The following APP variants were observed in gnomAD, a reference collection of about 807,000 sequenced individuals.
APP encodes amyloid beta precursor protein, also known as amyloid-beta precursor protein.
In APP, 31 loss-of-function variants were observed where a neutral mutation model predicts 101.4. That is an observed-to-expected ratio of 0.31 (90% CI 0.23 to 0.41). APP has a LOEUF of 0.41. APP is among the 10% of genes least tolerant of loss of function. The pLI is 1.00. For synonymous variants in APP, 366 were observed against 364.4 expected (o/e 1.00, Z -0.05); for missense variants, 839 against 1,003.7 (o/e 0.84, Z 2.22).
chr21:26,097,214 T>C (rs1263633918), intron 2 of APP, among the ~76,000 whole-genome samples: 1 of 152,212 alleles, frequency 6.6e-6, no homozygotes, highest in Non-Finnish European at 1.5e-5. Context: ...TCCACTTGCC[T>C]TGATCACTTT....
At chr21:25,920,370 C>T (rs2039570361) in intron 13 of APP, among the ~76,000 whole-genome samples, 6 of 152,150 alleles carry the variant, frequency 3.9e-5, no homozygotes. Flanking sequence ...CAAATTCACA[C>T]ATAACAGTAT....
intron 16 of APP, among the ~76,000 whole-genome samples, chr21:25,896,765 T>G (rs1486461644): frequency 6.6e-6 from 1 of 152,214 alleles, no homozygotes; most frequent in East Asian, 1.9e-4. Context: ...ACAAACCTTT[T>G]GATGAATAAC....
chr21:26,028,244 C>G (rs1460574658), intron 5 of APP, among the ~76,000 whole-genome samples: 1 of 151,094 alleles, frequency 6.6e-6, no homozygotes, highest in African/African-American at 2.4e-5. Context: ...AGCTATAAAT[C>G]ACAATCTTGA....
chr21:26,131,834 T>A (rs2062803864), intron 1 of APP, among the ~76,000 whole-genome samples: 1 of 152,158 alleles, frequency 6.6e-6, no homozygotes, highest in Non-Finnish European at 1.5e-5. Context: ...CACAAAACTC[T>A]ACTTTGACAC....
At chr21:26,156,955 T>A (rs553250318) in intron 1 of APP, among the ~76,000 whole-genome samples, 1 of 152,346 alleles carries the variant, frequency 6.6e-6, no homozygotes, top group East Asian at 1.9e-4. Context: ...AACAACTATT[T>A]GAGACATGCA....
chr21:26,020,012 C>T (rs1489772694), intron 6 of APP, among the ~76,000 whole-genome samples: 3 of 152,202 alleles, frequency 2.0e-5, no homozygotes, highest in Non-Finnish European at 4.4e-5. Flanking sequence ...GAATGATAAA[C>T]TTAATCCATC....
At chr21:25,940,116 TA>T (rs1035103485) in intron 13 of APP, among the ~76,000 whole-genome samples, 13 of 152,100 alleles carry the variant, frequency 8.5e-5, no homozygotes, top group African/African-American at 2.9e-4. Flanking sequence ...AATTTCTCTA[TA>T]ATCTTAAGGG....
chr21:25,913,484 A>G (rs1416579881), intron 13 of APP, among the ~76,000 whole-genome samples: 1 of 152,234 alleles, frequency 6.6e-6, no homozygotes, highest in African/African-American at 2.4e-5. Flanking sequence ...AACTTAGCCA[A>G]TGTCTGATTA....
intron 3 of APP, among the ~76,000 whole-genome samples, chr21:26,074,666 G>A (rs916088333): frequency 2.0e-5 from 3 of 151,990 alleles, no homozygotes; most frequent in African/African-American, 4.8e-5. Flanking sequence ...CAAGAGAATC[G>A]CTTGAACCCG....
At chr21:26,069,762 A>G (rs953193367) in intron 3 of APP, among the ~76,000 whole-genome samples, 2 of 152,234 alleles carry the variant, frequency 1.3e-5, no homozygotes, top group Non-Finnish European at 2.9e-5. Flanking sequence ...TGGTCTATAT[A>G]TTTCAGGCAT....
chr21:25,967,146 G>T (rs45576232), intron 11 of APP, among the ~76,000 whole-genome samples: 227 of 152,214 alleles, frequency 1.5e-3, no homozygotes, highest in African/African-American at 5.3e-3. Flanking sequence ...ACATGTGGCT[G>T]AACCATTCAA....
intron 3 of APP, among the ~76,000 whole-genome samples, chr21:26,076,924 G>A (rs1268234952): frequency 1.3e-5 from 2 of 152,020 alleles, no homozygotes; most frequent in Non-Finnish European, 2.9e-5. Flanking sequence ...TTAGCCGGGC[G>A]TGGTTGTGGG....
chr21:26,007,822 G>A (rs902131635), intron 6 of APP, among the ~76,000 whole-genome samples: 2 of 152,112 alleles, frequency 1.3e-5, no homozygotes, highest in Non-Finnish European at 2.9e-5. Flanking sequence ...GTGCTTGTAC[G>A]TAGTGGCAAG....
chr21:26,096,423 C>T (rs11702267), intron 2 of APP, among the ~76,000 whole-genome samples: 6,974 of 151,518 alleles, frequency 0.046, 231 homozygotes, highest in Non-Finnish European at 0.07. Context: ...CCACCCTCAG[C>T]TCTCTGAAGG....
At chr21:26,030,046 T>C (rs1193565892) in intron 5 of APP, among the ~76,000 whole-genome samples, 1 of 152,176 alleles carries the variant, frequency 6.6e-6, no homozygotes, top group Non-Finnish European at 1.5e-5. Context: ...GCAGAACCTT[T>C]AAAAGACAAT....
At chr21:26,118,348 T>C (rs554513141) in intron 1 of APP, among the ~76,000 whole-genome samples, 3 of 152,294 alleles carry the variant, frequency 2.0e-5, no homozygotes, top group South Asian at 2.1e-4. Context: ...GCAAACAAAC[T>C]CTTAGCCTCA....
At chr21:26,140,772 T>TTCATA (rs2063027335) in intron 1 of APP, among the ~76,000 whole-genome samples, 1 of 152,244 alleles carries the variant, frequency 6.6e-6, no homozygotes, top group Non-Finnish European at 1.5e-5. Flanking sequence ...TTGGTACTAG[T>TTCATA]GTTAATTCAT....
intron 1 of APP, among the ~76,000 whole-genome samples, chr21:26,152,202 G>A (rs1345975853): frequency 1.4e-5 from 2 of 146,822 alleles, no homozygotes; most frequent in African/African-American, 2.5e-5. Context: ...GGAGAATGGC[G>A]TGAACCCGGG....
intron 3 of APP, among the ~76,000 whole-genome samples, chr21:26,070,691 A>C (rs2061394460): frequency 6.6e-6 from 1 of 152,196 alleles, no homozygotes; most frequent in Non-Finnish European, 1.5e-5. Flanking sequence ...CAAACAAAAC[A>C]CCCAGAAAAA....
Sources: gnomAD v4.1 joint callset for allele counts (sites outside exome capture counted in the v4.1 genomes callset) on GRCh38, gnomAD v4.1.1 for gene constraint, MANE v1.5 for transcripts, NCBI Gene and HGNC (gene_info 2026-07-23, HGNC 2026-07-21) for gene names.